The following NCAM2 variants were observed in gnomAD, a reference collection of about 807,000 sequenced individuals.
NCAM2 encodes N-CAM-2.
Under a neutral mutation model 98.1 loss-of-function variants are expected in NCAM2, and 30 were observed. The observed-to-expected ratio is 0.31, with a 90% CI of 0.23 to 0.41. The LOEUF (loss-of-function observed/expected upper bound fraction) is 0.41, where lower values mean the gene tolerates loss of function less well. Among genes scored for constraint, NCAM2 ranks in the 10% least tolerant of loss-of-function variants. The probability of loss-of-function intolerance (pLI) is 1.00; values close to 1 mark genes in which losing one functional copy is unlikely to be tolerated. For missense variants in NCAM2, 867 were observed against 1,005.8 expected, an observed-to-expected ratio of 0.86 and a Z score of 1.87; for synonymous variants, 368 against 342.4, an observed-to-expected ratio of 1.07 and a Z score of -0.83.
intron 1 of NCAM2, among the ~76,000 whole-genome samples, chr21:21,209,584 G>T (rs2069568457): frequency 6.6e-6 from 1 of 152,092 alleles, no homozygotes; most frequent in Non-Finnish European, 1.5e-5. Flanking sequence ...AGGGCAGGGA[G>T]ACTTGCAGCT....
chr21:21,140,403 T>C (rs1484488615), intron 1 of NCAM2, among the ~76,000 whole-genome samples: 1 of 152,160 alleles, frequency 6.6e-6, no homozygotes, highest in African/African-American at 2.4e-5. Context: ...CTGTAAGCCA[T>C]ACCTTCAATA....
intron 12 of NCAM2, among the ~76,000 whole-genome samples, chr21:21,437,459 TCCC>T (rs959357571): frequency 4.2e-5 from 6 of 142,314 alleles, no homozygotes; most frequent in African/African-American, 1.6e-4. Flanking sequence ...ATTTATCCAA[TCCC>T]CCACCAAGAT....
intron 8 of NCAM2, 41 bp downstream of exon 8, chr21:21,338,575 A>G: frequency 1.3e-6 from 2 of 1,495,874 alleles, no homozygotes; most frequent in Non-Finnish European, 1.8e-6. Context: ...ATTACCATGC[A>G]ATTTCAGTAT....
intron 12 of NCAM2, among the ~76,000 whole-genome samples, chr21:21,455,822 A>G (rs1043098896): frequency 1.3e-5 from 2 of 152,026 alleles, no homozygotes; most frequent in South Asian, 2.1e-4. Flanking sequence ...ATATCTAGAG[A>G]GATTAGAAGG....
chr21:21,459,134 A>C (rs1486056767), intron 12 of NCAM2, among the ~76,000 whole-genome samples: 1 of 152,134 alleles, frequency 6.6e-6, no homozygotes, highest in Non-Finnish European at 1.5e-5. Context: ...AATGAAATCA[A>C]ACCACATTGA....
chr21:21,066,766 A>G lies in NCAM2; in HGVS notation c.55+68148A>G, dbSNP rs183787817. On this transcript the variant is annotated intron_variant, in intron 1 of 17. Coordinates refer to ENST00000400546, the MANE Select transcript of NCAM2 (RefSeq NM_004540.5). ...TAAATATATATACTTTTAAGCCTAT[A>G]GCAAGCTAAAATTTGTTTACAGGTG... Among the ~76,000 whole-genome samples, 322 of 152,226 alleles carry G rather than the reference A, an allele frequency of 2.1e-3. 2 individuals carry two copies. Among genetic ancestry groups the G allele is most frequent in the African/African-American group, 7.6e-3 (314 of 41,576 alleles).
chr21:21,061,055 G>A lies in NCAM2; in HGVS notation c.55+62437G>A, dbSNP rs73895196. Among the ~76,000 whole-genome samples the A allele has an allele frequency of 8.2e-3, 1,245 of 152,228 alleles. 21 individuals carry two copies. Among genetic ancestry groups the A allele is most frequent in the African/African-American group, 0.029 (1,199 of 41,548 alleles). On this transcript the variant is annotated intron_variant, in intron 1 of 17. Coordinates refer to ENST00000400546, the MANE Select transcript of NCAM2 (RefSeq NM_004540.5). ...GGTATAAGTTTGCTGAGAGGAAAAG[G>A]AGTAAGGATTGTATAAGGTGTGAAA...
rs79934979 is a variant in NCAM2, at chr21:21,176,480, T to C, written c.56-104098T>C. On this transcript the variant is annotated intron_variant, in intron 1 of 17. Coordinates refer to ENST00000400546, the MANE Select transcript of NCAM2 (RefSeq NM_004540.5). ...GCTAATTTGGTGTTCTAACAAATTC[T>C]TGCCTAGTATCAATCTAGTTTTTAC... is the stretch of plus-strand genomic sequence containing the variant. Among the ~76,000 whole-genome samples, 480 of 152,264 alleles carry C rather than the reference T, an allele frequency of 3.2e-3. 14 individuals are homozygous for C. The East Asian group carries it at 0.076, about 24-fold the overall frequency.
intron 1 of NCAM2, among the ~76,000 whole-genome samples, chr21:21,043,337 G>A (rs1232038043): frequency 6.6e-6 from 1 of 152,120 alleles, no homozygotes; most frequent in Non-Finnish European, 1.5e-5. Flanking sequence ...TTAATCATAT[G>A]TAAAATAAGA....
chr21:21,358,142 G>A (rs566988235), intron 8 of NCAM2, among the ~76,000 whole-genome samples: 3 of 152,168 alleles, frequency 2.0e-5, no homozygotes, highest in South Asian at 2.1e-4. Context: ...ATTTTCATTC[G>A]ATGTGATGTT....
intron 1 of NCAM2, among the ~76,000 whole-genome samples, chr21:21,010,230 C>T (rs757785393): frequency 1.9e-4 from 29 of 151,954 alleles, no homozygotes; most frequent in Non-Finnish European, 3.7e-4. Flanking sequence ...CCCTCATACA[C>T]GCTATGTTAA....
At chr21:21,446,801 A>G (rs1351332190) in intron 12 of NCAM2, among the ~76,000 whole-genome samples, 2 of 152,112 alleles carry the variant, frequency 1.3e-5, no homozygotes, top group African/African-American at 2.4e-5. Flanking sequence ...CCCATTCACA[A>G]TTGTTACAAA....
At position 21,537,961 on chromosome 21, in the gene NCAM2, C is replaced by G; in HGVS notation, c.*4C>G. The G allele has an allele frequency of 6.7e-7, 1 of 1,484,654 alleles. No homozygotes were observed. The highest frequency in any genetic ancestry group is 1.2e-5 in the South Asian group (1 of 80,282). 92.0% of individuals were successfully genotyped at this position (1,484,654 alleles called of 1,614,324 possible). A position where few individuals can be genotyped will look rare whatever the true frequency, so the allele number is the denominator to read the frequency against. ...AGAAGACGACAGCAAAGCATAACAACAATATTACAGGGGCTTGAACAACAC... is the reference window on the plus strand; with the variant it reads ...AGAAGACGACAGCAAAGCATAACAAGAATATTACAGGGGCTTGAACAACAC... On this transcript the variant is annotated 3_prime_UTR_variant, in exon 18 of 18. Transcript: ENST00000400546.
At chr21:21,360,723 T>A (rs2075624090) in intron 8 of NCAM2, among the ~76,000 whole-genome samples, 1 of 151,828 alleles carries the variant, frequency 6.6e-6, no homozygotes, top group Admixed American at 6.6e-5. Flanking sequence ...AAAACACAAG[T>A]CATGGTTTAA....
At position 21,193,571 on chromosome 21, in the gene NCAM2, C is replaced by T. The variant is rs1158274894; in HGVS notation, c.56-87007C>T. Among the ~76,000 whole-genome samples, 10 of 148,846 alleles carry T rather than the reference C, an allele frequency of 6.7e-5. No individual in the cohort carries two copies. The Admixed American group carries it at 6.8e-4, about 10-fold the overall frequency. Reference sequence around the variant, plus strand: ...AGTGCAATGGCGCGATCTCGGCTCACTGCAACCTCTGCTTCCTGGGTTCAA... The same window carrying T: ...AGTGCAATGGCGCGATCTCGGCTCATTGCAACCTCTGCTTCCTGGGTTCAA... On this transcript the variant is annotated intron_variant, in intron 1 of 17. Transcript: ENST00000400546.
intron 1 of NCAM2, among the ~76,000 whole-genome samples, chr21:21,273,825 A>G (rs2072619693): frequency 6.6e-6 from 1 of 152,042 alleles, no homozygotes; most frequent in Non-Finnish European, 1.5e-5. Flanking sequence ...AACTTTATTA[A>G]AGAGTGTGCA....
chr21:21,498,507 C>T (rs1333838952), intron 15 of NCAM2, among the ~76,000 whole-genome samples: 1 of 152,086 alleles, frequency 6.6e-6, no homozygotes, highest in Non-Finnish European at 1.5e-5. Context: ...ATGTTGTACC[C>T]ATACAGCTCT....
At chr21:21,171,037 A>G (rs990527233) in intron 1 of NCAM2, among the ~76,000 whole-genome samples, 3 of 152,214 alleles carry the variant, frequency 2.0e-5, no homozygotes, top group South Asian at 2.1e-4. Flanking sequence ...ATATTGTAAT[A>G]GATTACACAG....
chr21:21,068,978 T>TAAGTTGATA (rs1307171301), intron 1 of NCAM2, among the ~76,000 whole-genome samples: 1 of 152,216 alleles, frequency 6.6e-6, no homozygotes, highest in East Asian at 1.9e-4. Context: ...ATCACTCTGC[T>TAAGTTGATA]AAGTTGATAC....
Sources: allele counts gnomAD v4.1 joint callset (sites outside exome capture counted in the v4.1 genomes callset), GRCh38; gene constraint gnomAD v4.1.1; transcripts MANE v1.5; gene names NCBI Gene and HGNC (gene_info 2026-07-23, HGNC 2026-07-21).